MCF2L: variants seen among roughly 807,000 people sequenced by gnomAD.
MCF2L encodes guanine nucleotide exchange factor DBS.
In MCF2L, 97 loss-of-function variants were observed where a neutral mutation model predicts 153.4. The observed-to-expected ratio is 0.63, with a 90% CI of 0.54 to 0.75. The LOEUF (loss-of-function observed/expected upper bound fraction) is 0.75, where lower values mean the gene tolerates loss of function less well. MCF2L is among the 30% of genes least tolerant of loss of function. The pLI is 0.00. For missense variants in MCF2L, 1,347 were observed against 1,495.2 expected (o/e 0.90, Z 1.64); for synonymous variants, 659 against 632.2 (o/e 1.04, Z -0.64).
chr13:113,090,042 CAT>C (rs764873378), intron 26 of MCF2L: 1 of 1,587,712 alleles, frequency 6.3e-7, no homozygotes, highest in Non-Finnish European at 8.6e-7. Context: ...ATGCCCTCTG[CAT>C]AGTTTCTTTC....
At chr13:113,061,705 C>CTTCCCT (rs2031456130) in intron 5 of MCF2L, among the ~76,000 whole-genome samples, 1 of 56,870 alleles carries the variant, frequency 1.8e-5, no homozygotes, top group Non-Finnish European at 4.1e-5. Context: ...TCCCCTCCCC[C>CTTCCCT]TTGCCCTCCC....
intron 1 of MCF2L, among the ~76,000 whole-genome samples, chr13:113,005,078 G>A (rs962526819): frequency 2.0e-5 from 3 of 152,188 alleles, no homozygotes; most frequent in South Asian, 2.1e-4. Context: ...ACGTGGAATC[G>A]ACCCCAGTGG....
In MCF2L at chr13:113,064,848, G is replaced by A. The variant is rs530236284; in HGVS notation, c.607-88G>A. 18 of 1,477,424 alleles carry A rather than the reference G, an allele frequency of 1.2e-5. No homozygotes were observed. In the South Asian group the frequency reaches 1.8e-4, roughly 15 times the overall value. The allele number at this position is 1,477,424 out of a possible 1,614,324, so 91.5% of individuals were successfully genotyped here. A position where few individuals can be genotyped will look rare whatever the true frequency, so the allele number is the denominator to read the frequency against. On this transcript the variant is annotated intron_variant, in intron 6 of 29. Coordinates refer to ENST00000535094, the MANE Select transcript of MCF2L (RefSeq NM_001112732.3). This position sits in a 1 kb window ranked among gnomAD's most constrained non-coding sequence, Gnocchi z 6.0. ...GGTCTCACCTGATGGGTCTGTGTGG[G>A]AACGGTTTCCGCCGGTGTCTGCTTT...
chr13:112,978,294 C>A (rs968821279), intron 1 of MCF2L, among the ~76,000 whole-genome samples: 10 of 152,322 alleles, frequency 6.6e-5, no homozygotes, highest in Admixed American at 6.5e-4. Context: ...TTGGGGGATG[C>A]AGCACAGACA....
intron 2 of MCF2L, among the ~76,000 whole-genome samples, chr13:112,963,576 T>G (rs918525057): frequency 1.3e-5 from 2 of 152,214 alleles, no homozygotes; most frequent in Non-Finnish European, 2.9e-5. Context: ...TCCTGCATGT[T>G]GCTGCTCCAT....
chr13:112,996,561 GAGTGTGC>G (rs1383843558), intron 1 of MCF2L, among the ~76,000 whole-genome samples: 1 of 152,214 alleles, frequency 6.6e-6, no homozygotes, highest in East Asian at 1.9e-4. Flanking sequence ...TGGTGTTCCA[GAGTGTGC>G]AGTGCCCTTC....
intron 2 of MCF2L, among the ~76,000 whole-genome samples, chr13:112,961,445 G>T (rs928695817): frequency 6.6e-6 from 1 of 152,210 alleles, no homozygotes; most frequent in East Asian, 1.9e-4. Context: ...AGCAGGGCTG[G>T]GGGACAGGGC....
chr13:113,052,983 TCACA>T (rs1213854487), intron 4 of MCF2L, among the ~76,000 whole-genome samples: 4 of 151,584 alleles, frequency 2.6e-5, no homozygotes, highest in African/African-American at 9.7e-5. Context: ...GAGACACACA[TCACA>T]CACAAACACA....
intron 1 of MCF2L, among the ~76,000 whole-genome samples, chr13:113,000,640 A>G (rs966925438): frequency 2.0e-5 from 3 of 152,190 alleles, no homozygotes; most frequent in African/African-American, 7.2e-5. Context: ...TTTGGACCTG[A>G]GGGAGCCGAG....
intron 2 of MCF2L, 40 bp downstream of exon 2, chr13:113,014,886 T>A: frequency 6.3e-7 from 1 of 1,586,978 alleles, no homozygotes; most frequent in Non-Finnish European, 8.6e-7. Flanking sequence ...GAGGGAGGGG[T>A]CTGGGGCCGG....
At chr13:112,912,701 C>A (rs1172338142) in intron 2 of MCF2L, among the ~76,000 whole-genome samples, 1 of 152,138 alleles carries the variant, frequency 6.6e-6, no homozygotes, top group Non-Finnish European at 1.5e-5. Flanking sequence ...TAAATATCCC[C>A]ATATATATTT....
intron 2 of MCF2L, 31 bp from the exon 3 acceptor site, chr13:113,024,613 G>T (rs200965215): frequency 2.0e-6 from 3 of 1,509,324 alleles, no homozygotes; most frequent in African/African-American, 1.4e-5. Flanking sequence ...TGGAGCCCTC[G>T]GCTAAGGGTC....
At chr13:112,984,192 A>G (rs1566688733) in intron 1 of MCF2L, among the ~76,000 whole-genome samples, 1 of 152,070 alleles carries the variant, frequency 6.6e-6, no homozygotes, top group African/African-American at 2.4e-5. Flanking sequence ...CTGAGTTCCA[A>G]TTAAGCCAAG....
intron 21 of MCF2L, among the ~76,000 whole-genome samples, chr13:113,086,887 C>T (rs1166745617): frequency 6.6e-6 from 1 of 152,208 alleles, no homozygotes; most frequent in Non-Finnish European, 1.5e-5. Context: ...TGAACTAGCG[C>T]TGATGCTGAT....
intron 22 of MCF2L, 45 bp downstream of exon 22, chr13:113,087,501 C>T (rs1462817030): frequency 6.8e-7 from 1 of 1,479,572 alleles, no homozygotes. Context: ...GGCCACAGAC[C>T]CCGACGGGGG....
intron 5 of MCF2L, among the ~76,000 whole-genome samples, chr13:113,063,685 C>G (rs983245971): frequency 6.6e-6 from 1 of 152,204 alleles, no homozygotes; most frequent in African/African-American, 2.4e-5. Flanking sequence ...AGAGTGGGGA[C>G]TCCACTGGGG....
At chr13:112,971,998 G>T (rs1290518546) in intron 1 of MCF2L, among the ~76,000 whole-genome samples, 1 of 152,244 alleles carries the variant, frequency 6.6e-6, no homozygotes, top group African/African-American at 2.4e-5. Context: ...AGCACAGGCT[G>T]CTGGGCCCAC....
At chr13:113,029,007 G>A (rs2085481803) in intron 3 of MCF2L, among the ~76,000 whole-genome samples, 1 of 152,066 alleles carries the variant, frequency 6.6e-6, no homozygotes. Context: ...GTGTGTGTGA[G>A]CGTGAGTGTA....
chr13:112,916,789 G>A (rs561273317), intron 2 of MCF2L, among the ~76,000 whole-genome samples: 33 of 152,026 alleles, frequency 2.2e-4, no homozygotes, highest in Admixed American at 1.5e-3. Context: ...TTCTCCCCTC[G>A]CCCCCAAGGC....
Sources: gnomAD v4.1 joint callset for allele counts (sites outside exome capture counted in the v4.1 genomes callset) on GRCh38, gnomAD v4.1.1 for gene constraint, Gnocchi (gnomAD v3.1) non-coding constraint, MANE v1.5 for transcripts, NCBI Gene and HGNC (gene_info 2026-07-23, HGNC 2026-07-21) for gene names.